MYO3B: variants seen among roughly 807,000 people sequenced by gnomAD.
MYO3B encodes the protein myosin IIIB.
In MYO3B, 156 loss-of-function variants were observed where a neutral mutation model predicts 174.6. The ratio of observed to expected loss-of-function variants is 0.89; its 90% CI spans 0.78 to 1.02. The LOEUF is 1.02. MYO3B is among the 50% of genes least tolerant of loss of function. MYO3B has a pLI of 0.00. For missense variants in MYO3B, 1,632 were observed against 1,639.4 expected (o/e 1.00, Z 0.08); for synonymous variants, 563 against 569.1 (o/e 0.99, Z 0.15).
chr2:170,416,995 T>C (rs1445976243), intron 22 of MYO3B, among the ~76,000 whole-genome samples: 1 of 151,928 alleles, frequency 6.6e-6, no homozygotes, highest in African/African-American at 2.4e-5. Context: ...CCGACTAATT[T>C]TTTTTGTATT....
chr2:170,562,555 C>T (rs1468177992), intron 32 of MYO3B, among the ~76,000 whole-genome samples: 1 of 152,106 alleles, frequency 6.6e-6, no homozygotes, highest in African/African-American at 2.4e-5. Flanking sequence ...TGGTTCCAGG[C>T]AGTCAATTAG....
chr2:170,250,197 T>A (rs2093236163), intron 7 of MYO3B, among the ~76,000 whole-genome samples: 1 of 152,256 alleles, frequency 6.6e-6, no homozygotes, highest in South Asian at 2.1e-4. Flanking sequence ...GATAAACCAC[T>A]ACAATTCAAC....
intron 1 of MYO3B, among the ~76,000 whole-genome samples, chr2:170,197,518 G>A (rs1012201868): frequency 2.6e-5 from 4 of 152,138 alleles, no homozygotes; most frequent in Admixed American, 6.5e-5. Context: ...AGATTATGGC[G>A]TGAAGTTATA....
At chr2:170,439,837 C>T (rs537684982) in intron 22 of MYO3B, among the ~76,000 whole-genome samples, 21 of 152,212 alleles carry the variant, frequency 1.4e-4, no homozygotes, top group African/African-American at 4.3e-4. Context: ...CCCACCACCA[C>T]GCCCGGCTAA....
intron 7 of MYO3B, among the ~76,000 whole-genome samples, chr2:170,242,108 C>T (rs1318423481): frequency 6.6e-6 from 1 of 152,142 alleles, no homozygotes; most frequent in African/African-American, 2.4e-5. Context: ...TGGATTTGCC[C>T]TGGGGAGTAT....
chr2:170,622,013 AGTT>A (rs2105336421), intron 32 of MYO3B, among the ~76,000 whole-genome samples: 2 of 152,282 alleles, frequency 1.3e-5, no homozygotes, highest in African/African-American at 4.8e-5. Context: ...GCAACTTGGC[AGTT>A]GTTCTCAACC....
Position 170,383,856 on chromosome 2 carries a change from G to C in MYO3B, c.1290+42G>C, listed in dbSNP as rs10168287. ...CTTTCCTACGGAGTCACCCAGTTAA[G>C]ACATGTTGTGTCTTCCTCGTCAACT... On this transcript the variant is annotated intron_variant, in intron 12 of 34. Transcript: ENST00000408978. 4,675 of 1,485,182 alleles carry C rather than the reference G, an allele frequency of 3.1e-3. 120 individuals are homozygous for C. The African/African-American group carries it at 0.057, about 18-fold the overall frequency. 92.0% of individuals were successfully genotyped at this position (1,485,182 alleles called of 1,614,324 possible).
intron 23 of MYO3B, among the ~76,000 whole-genome samples, chr2:170,459,614 C>T (rs568696438): frequency 1.3e-3 from 201 of 152,292 alleles, no homozygotes; most frequent in African/African-American, 4.2e-3. Context: ...CCACCAGTCC[C>T]GGCGCCACAC....
rs115468689 is a variant in MYO3B at position 170,314,521 on chromosome 2, A to G, written c.750-20864A>G. 1.9e-3 allele frequency among the ~76,000 whole-genome samples: 291 copies of G among 152,310 alleles called. 2 individuals carry two copies. Among genetic ancestry groups the G allele is most frequent in the Admixed American group, 6.4e-3 (98 of 15,298 alleles). On this transcript the variant is annotated intron_variant, in intron 7 of 34. Transcript: ENST00000408978. The stretch of plus-strand genomic sequence containing the variant: ...TGCTCTCATCTTATCACCTTTCATT[A>G]GATCTTTAATTGTTGTGGACAGAAA...
rs201311373 is a variant in MYO3B at position 170,466,663 on chromosome 2, G to A, written c.2966G>A (p.Arg989His). The A allele has an allele frequency of 3.4e-5, 55 of 1,614,082 alleles. No individual in the cohort carries two copies. Among genetic ancestry groups the A allele is most frequent in the Non-Finnish European group, 4.4e-5 (52 of 1,180,046 alleles). The change falls in exon 25 of 35, where the codon CGC becomes CAC. Residue 989 changes from arginine (R) to histidine (H), a missense_variant. By Grantham distance (29) the Arg-to-His change is conservative (BLOSUM62 0). Transcript: ENST00000408978. ...GGGATTCTGGAGACAGTCAGCATCC[G>A]CCGCCAGGGCTATTCCCACCGCATC... ...STGILETVSI[R>H]RQGYSHRILF...
At chr2:170,258,570 G>A (rs1163105832) in intron 7 of MYO3B, among the ~76,000 whole-genome samples, 1 of 151,928 alleles carries the variant, frequency 6.6e-6, no homozygotes, top group East Asian at 1.9e-4. Flanking sequence ...TGAAAATAAT[G>A]AGTCATCTAT....
At chr2:170,304,742 C>T (rs1574752318) in intron 7 of MYO3B, among the ~76,000 whole-genome samples, 1 of 152,172 alleles carries the variant, frequency 6.6e-6, no homozygotes, top group South Asian at 2.1e-4. Flanking sequence ...ACTGGGATTA[C>T]GGACATGAGC....
In MYO3B at chr2:170,554,191, G is replaced by A. The variant is rs77267498; in HGVS notation, c.3733+10203G>A. On this transcript the variant is annotated intron_variant, in intron 32 of 34. Transcript: ENST00000408978. ...TTTGTTTTGTAATTTTGAAGAATAG[G>A]AACAGGGTGCTTTGGACATCAGTTA... Among the ~76,000 whole-genome samples the A allele has an allele frequency of 8.4e-3, 1,274 of 152,238 alleles. 43 individuals are homozygous for A. The East Asian group carries it at 0.088, about 11-fold the overall frequency.
At chr2:170,411,235 A>G (rs1295154584) in intron 22 of MYO3B, among the ~76,000 whole-genome samples, 4 of 152,232 alleles carry the variant, frequency 2.6e-5, no homozygotes, top group African/African-American at 9.6e-5. Context: ...ATATATCAAA[A>G]AAAGTATAGT....
At chr2:170,219,426 T>C (rs2092867149) in intron 6 of MYO3B, among the ~76,000 whole-genome samples, 1 of 152,020 alleles carries the variant, frequency 6.6e-6, no homozygotes, top group South Asian at 2.1e-4. Flanking sequence ...GGCAGATCAT[T>C]TGAGATCAGG....
chr2:170,300,855 T>G (rs1487412680), intron 7 of MYO3B, among the ~76,000 whole-genome samples: 3 of 152,212 alleles, frequency 2.0e-5, no homozygotes, highest in Non-Finnish European at 4.4e-5. Context: ...TCTGTTTGTT[T>G]TTATTTTCCC....
intron 1 of MYO3B, among the ~76,000 whole-genome samples, chr2:170,194,507 G>GAA (rs769742217): frequency 2.2e-5 from 3 of 136,230 alleles, no homozygotes; most frequent in Non-Finnish European, 1.6e-5. Context: ...CCTGTCTCAA[G>GAA]AAAAAAAAAA....
intron 32 of MYO3B, among the ~76,000 whole-genome samples, chr2:170,643,134 A>G (rs1056691057): frequency 6.6e-6 from 1 of 152,186 alleles, no homozygotes; most frequent in Admixed American, 6.5e-5. Flanking sequence ...GTTGGACTTC[A>G]AAAACCTGAA....
At chr2:170,349,478 C>G (rs1158137709) in intron 8 of MYO3B, 1 of 152,038 alleles carries the variant, frequency 6.6e-6, no homozygotes, top group African/African-American at 2.4e-5. Flanking sequence ...ACCACGAATT[C>G]TTTAGAGGAA....
Sources: allele counts gnomAD v4.1 joint callset (sites outside exome capture counted in the v4.1 genomes callset), GRCh38; gene constraint gnomAD v4.1.1; transcripts MANE v1.5; gene names NCBI Gene and HGNC (gene_info 2026-07-23, HGNC 2026-07-21).